BTBD10: variants seen among roughly 807,000 people sequenced by gnomAD.
BTBD10 encodes the protein BTB domain containing 10, also known as BTB/POZ domain-containing protein 10.
A neutral mutation model predicts 53.2 loss-of-function variants in BTBD10; 21 were observed. That is an observed-to-expected ratio of 0.39 (90% CI 0.28 to 0.57). The LOEUF is 0.57. Among genes scored for constraint, BTBD10 ranks in the 20% least tolerant of loss-of-function variants. The probability of loss-of-function intolerance (pLI) is 0.53; values close to 1 mark genes in which losing one functional copy is unlikely to be tolerated. For missense variants in BTBD10, 360 were observed against 594.7 expected, an observed-to-expected ratio of 0.61 and a Z score of 4.10; for synonymous variants, 149 against 192.7, an observed-to-expected ratio of 0.77 and a Z score of 1.88.
rs754573161 is a variant in BTBD10 at position 13,405,798 on chromosome 11, C to A, written c.867G>T (p.Leu289=). Residue 289 remains leucine, a synonymous_variant, in exon 7 of 9, where the codon CTG becomes CTT. Coordinates refer to ENST00000278174, the MANE Select transcript of BTBD10 (RefSeq NM_032320.7). Reference sequence around the variant, plus strand: ...CCATGAGAGGGAGGATCATTTCTTCCAGATAAAATTCAAATTGTCTACGAG... The same window carrying A: ...CCATGAGAGGGAGGATCATTTCTTCAAGATAAAATTCAAATTGTCTACGAG... ...DGARRQFEFY[L]EEMILPLMVA... The A allele has an allele frequency of 1.9e-6, 3 of 1,613,722 alleles. No homozygotes were observed.
At chr11:13,416,733 T>C (rs545213700) in intron 5 of BTBD10, among the ~76,000 whole-genome samples, 36 of 152,232 alleles carry the variant, frequency 2.4e-4, no homozygotes, top group Admixed American at 9.8e-4. Flanking sequence ...TCCCAGCACT[T>C]TGGGAGGCCG....
chr11:13,437,307 C>A (rs730414), intron 2 of BTBD10, among the ~76,000 whole-genome samples: 94,489 of 152,022 alleles, frequency 0.62, 29,990 homozygotes, highest in Middle Eastern at 0.76. Flanking sequence ...CCAACAGCCA[C>A]CCTCAGGTCT....
intron 2 of BTBD10, among the ~76,000 whole-genome samples, chr11:13,430,974 T>TACACATACACACACAC (rs1950436811): frequency 6.9e-6 from 1 of 144,384 alleles, no homozygotes; most frequent in Admixed American, 7.0e-5. Context: ...TGGAGATACA[T>TACACATACACACACAC]ACACACACAC....
At chr11:13,431,925 GTT>G (rs1950455410) in intron 2 of BTBD10, among the ~76,000 whole-genome samples, 2 of 151,888 alleles carry the variant, frequency 1.3e-5, no homozygotes, top group South Asian at 4.1e-4. Context: ...TACGTACAGA[GTT>G]TTTAAAATCC....
At chr11:13,392,539 CT>C (rs1451708170) in intron 8 of BTBD10, among the ~76,000 whole-genome samples, 1 of 151,798 alleles carries the variant, frequency 6.6e-6, no homozygotes, top group Non-Finnish European at 1.5e-5. Flanking sequence ...AAATTATACT[CT>C]TTATTAAAAG....
intron 1 of BTBD10, among the ~76,000 whole-genome samples, chr11:13,455,958 G>T (rs1201131162): frequency 6.6e-6 from 1 of 152,058 alleles, no homozygotes; most frequent in Non-Finnish European, 1.5e-5. Context: ...TATGATTCAA[G>T]TTCTAGACTG....
intron 8 of BTBD10, among the ~76,000 whole-genome samples, chr11:13,398,443 T>A (rs1197242783): frequency 1.3e-5 from 2 of 152,188 alleles, no homozygotes; most frequent in Non-Finnish European, 2.9e-5. Flanking sequence ...TGTCTCTGCA[T>A]GTGAGATGGG....
intron 2 of BTBD10, among the ~76,000 whole-genome samples, chr11:13,443,397 T>C (rs1419644145): frequency 6.6e-6 from 1 of 152,184 alleles, no homozygotes. Flanking sequence ...TGTATGTATG[T>C]AGCTTTTATA....
intron 8 of BTBD10, among the ~76,000 whole-genome samples, chr11:13,402,129 C>T (rs1360177751): frequency 6.6e-6 from 1 of 152,110 alleles, no homozygotes; most frequent in Non-Finnish European, 1.5e-5. Context: ...GACACTAGAC[C>T]AATGCTTCAT....
intron 2 of BTBD10, among the ~76,000 whole-genome samples, chr11:13,431,760 G>T (rs774277492): frequency 2.6e-5 from 4 of 152,062 alleles, no homozygotes; most frequent in Non-Finnish European, 4.4e-5. Flanking sequence ...TTCTGCATAT[G>T]ATTTTGTCAC....
At chr11:13,452,784 T>TAACACAATTC in intron 1 of BTBD10, among the ~76,000 whole-genome samples, 1 of 152,130 alleles carries the variant, frequency 6.6e-6, no homozygotes, top group African/African-American at 2.4e-5. Flanking sequence ...ATGAAGAAAA[T>TAACACAATTC]AACACAATTC....
intron 8 of BTBD10, among the ~76,000 whole-genome samples, chr11:13,400,327 G>C (rs181125033): frequency 4.1e-4 from 62 of 152,166 alleles, no homozygotes; most frequent in Middle Eastern, 3.4e-3. Flanking sequence ...AGGCTCCGTG[G>C]GTGTAGGACC....
chr11:13,410,169 A>T (rs1261742965), intron 6 of BTBD10, among the ~76,000 whole-genome samples: 1 of 152,216 alleles, frequency 6.6e-6, no homozygotes, highest in Non-Finnish European at 1.5e-5. Flanking sequence ...AAAAAAATTA[A>T]AGTTGACACT....
rs548265987 is a variant in BTBD10, at chr11:13,419,337, C to G, written c.584+123G>C. On this transcript the variant is annotated intron_variant, in intron 4 of 8. Coordinates refer to ENST00000278174, the MANE Select transcript of BTBD10 (RefSeq NM_032320.7). ...GTAATTTAGCCTCCAAAGCTCAGTT[C>G]TTTCATCTGTAAAACAGAAATGTTA... 2.0e-5 allele frequency: 26 copies of G among 1,287,292 alleles called. No individual in the cohort carries two copies. In the South Asian group the frequency reaches 3.6e-4, roughly 18 times the overall value. The allele number at this position is 1,287,292 out of a possible 1,614,324, so 79.7% of individuals were successfully genotyped here.
intron 8 of BTBD10, 131 bp from the exon 9 acceptor site, chr11:13,389,272 C>T (rs561317873): frequency 4.3e-6 from 3 of 695,588 alleles, no homozygotes; most frequent in Admixed American, 5.8e-5. Context: ...AACAATATTC[C>T]ATCCACCTAC....
At position 13,389,152 on chromosome 11, in the gene BTBD10, G is replaced by GAA; in HGVS notation, c.1118-13_1118-12dup. The GAA allele has an allele frequency of 6.3e-7, 1 of 1,597,306 alleles. No homozygotes were observed. Among genetic ancestry groups the GAA allele is most frequent in the Non-Finnish European group, 8.5e-7 (1 of 1,173,292 alleles). On this transcript the variant is annotated splice_polypyrimidine_tract_variant and intron_variant, in intron 8 of 8. Coordinates refer to ENST00000278174, the MANE Select transcript of BTBD10 (RefSeq NM_032320.7). The stretch of plus-strand genomic sequence containing the variant: ...TGTAGGTAGGATAACCTGAAAGAAA[G>GAA]AAAGATTTTAAAAACTGAGGAGACA...
At chr11:13,451,669 AT>A (rs1269985310) in intron 1 of BTBD10, among the ~76,000 whole-genome samples, 1 of 152,360 alleles carries the variant, frequency 6.6e-6, no homozygotes, top group East Asian at 1.9e-4. Context: ...ACAAGTCCTC[AT>A]AAAAATATTA....
In BTBD10 at chr11:13,450,932, A is replaced by G. The variant is rs116599240; in HGVS notation, c.-57-5751T>C. On this transcript the variant is annotated intron_variant, in intron 1 of 8. Coordinates refer to ENST00000278174, the MANE Select transcript of BTBD10 (RefSeq NM_032320.7). ...TTACTCTTGAAAAACTACAACTAGA[A>G]GCAACAGAATCACGAGTTCAGTTTG... 3.1e-3 allele frequency among the ~76,000 whole-genome samples: 468 copies of G among 152,328 alleles called. 4 individuals are homozygous for G. Among genetic ancestry groups the G allele is most frequent in the African/African-American group, 0.011 (437 of 41,580 alleles).
chr11:13,406,106 T>C (rs775712748), intron 6 of BTBD10, among the ~76,000 whole-genome samples: 16 of 152,170 alleles, frequency 1.1e-4, no homozygotes, highest in Non-Finnish European at 1.5e-4. Flanking sequence ...TGTCTTAAGG[T>C]ATATCTTAAA....
Sources: allele counts gnomAD v4.1 joint callset (sites outside exome capture counted in the v4.1 genomes callset), GRCh38; gene constraint gnomAD v4.1.1; transcripts MANE v1.5; gene names NCBI Gene and HGNC (gene_info 2026-07-23, HGNC 2026-07-21).